The following HK1 variants were observed in gnomAD, a reference collection of about 807,000 sequenced individuals.
HK1 encodes hexokinase 1.
HK1 carries 28 observed loss-of-function variants against 91.6 expected under a neutral mutation model. The observed-to-expected ratio is 0.31, with a 90% confidence interval of 0.23 to 0.42. The LOEUF is 0.42. HK1 is among the 10% of genes least tolerant of loss of function. The probability of loss-of-function intolerance (pLI) is 1.00; values close to 1 mark genes in which losing one functional copy is unlikely to be tolerated. For missense variants in HK1, 770 were observed against 1,219.8 expected, an observed-to-expected ratio of 0.63 and a Z score of 5.49; for synonymous variants, 430 against 468.1, an observed-to-expected ratio of 0.92 and a Z score of 1.05.
upstream of HK1, among the ~76,000 whole-genome samples, chr10:69,314,595 G>A (rs10998711): frequency 0.02 from 3,109 of 152,154 alleles, 107 homozygotes; most frequent in African/African-American, 0.069. Context: ...AATGGCTCAC[G>A]TCTATAATCC....
chr10:69,388,493 A>G (rs899820910), intron 13 of HK1, among the ~76,000 whole-genome samples: 1 of 152,144 alleles, frequency 6.6e-6, no homozygotes, highest in African/African-American at 2.4e-5. Flanking sequence ...CTGCTTCACA[A>G]CTATTAGTGT....
intron 1 of HK1, among the ~76,000 whole-genome samples, chr10:69,275,822 G>T (rs2132409500): frequency 6.6e-6 from 1 of 152,062 alleles, no homozygotes; most frequent in South Asian, 2.1e-4. Flanking sequence ...GGGCACAGTG[G>T]CTCATGCCTG....
chr10:69,304,097 T>C (rs1037441181), intron 5 of HK1, among the ~76,000 whole-genome samples: 1 of 152,060 alleles, frequency 6.6e-6, no homozygotes, highest in Non-Finnish European at 1.5e-5. Context: ...AGTGATGTAA[T>C]CCCCAGGATC....
chr10:69,277,283 T>C (rs1415369479), intron 1 of HK1, among the ~76,000 whole-genome samples: 1 of 152,210 alleles, frequency 6.6e-6, no homozygotes, highest in Admixed American at 6.5e-5. Flanking sequence ...AAATTTTCTT[T>C]TTGGCTGGGT....
upstream of HK1, among the ~76,000 whole-genome samples, chr10:69,311,503 T>C (rs1202309891): frequency 6.6e-6 from 1 of 152,172 alleles, no homozygotes; most frequent in Non-Finnish European, 1.5e-5. Flanking sequence ...TGATTTGAGA[T>C]TGCTCTGGTC....
At chr10:69,328,267 C>CGAGGCA (rs1847495534) in intron 1 of HK1, among the ~76,000 whole-genome samples, 1 of 152,142 alleles carries the variant, frequency 6.6e-6, no homozygotes, top group Non-Finnish European at 1.5e-5. Flanking sequence ...TGTCCCTGTG[C>CGAGGCA]GAGGCAGAAA....
chr10:69,344,091 C>A, intron 2 of HK1, 102 bp downstream of exon 2: 1 of 1,209,130 alleles, frequency 8.3e-7, no homozygotes, highest in Non-Finnish European at 1.2e-6. Context: ...ATTCATTCAC[C>A]ATTCCATCAA....
Position 69,279,707 on chromosome 10 carries a change from G to A in HK1, c.-390-2822G>A, listed in dbSNP as rs142980214. On this transcript the variant is annotated intron_variant, in intron 1 of 21. Coordinates refer to the HK1 transcript ENST00000360289. ...CTTCCTCATCAGTCAAGTCATAAAT[G>A]CAGGACTTAAAGGAAACCACATGTG... Among the ~76,000 whole-genome samples, 294 of 152,306 alleles carry A rather than the reference G, an allele frequency of 1.9e-3. 5 individuals are homozygous for A. Among genetic ancestry groups the A allele is most frequent in the Admixed American group, 0.015 (227 of 15,296 alleles).
At chr10:69,274,788 C>G (rs1168890299) in intron 1 of HK1, among the ~76,000 whole-genome samples, 1 of 151,976 alleles carries the variant, frequency 6.6e-6, no homozygotes, top group Non-Finnish European at 1.5e-5. Flanking sequence ...TGGGGAAAAC[C>G]AGCTATGCAT....
chr10:69,392,407 G>T, intron 15 of HK1, 99 bp downstream of exon 15: 1 of 1,304,642 alleles, frequency 7.7e-7, no homozygotes. Flanking sequence ...AGGAGGAGAG[G>T]TCTGAACAGA....
intron 9 of HK1, among the ~76,000 whole-genome samples, chr10:69,381,349 T>C (rs1201591153): frequency 6.6e-6 from 1 of 152,180 alleles, no homozygotes; most frequent in Non-Finnish European, 1.5e-5. Context: ...GCCAAGGACG[T>C]AATTGTATTT....
At chr10:69,271,593 C>T (rs964544538) in intron 1 of HK1, among the ~76,000 whole-genome samples, 10 of 150,986 alleles carry the variant, frequency 6.6e-5, no homozygotes, top group Non-Finnish European at 1.5e-4. Context: ...TCTCCTGCCT[C>T]AAGCCTCCTG....
chr10:69,365,826 C>G (rs1183193047), intron 4 of HK1, among the ~76,000 whole-genome samples: 4 of 152,042 alleles, frequency 2.6e-5, no homozygotes, highest in Non-Finnish European at 5.9e-5. Context: ...AGAGTGAGAC[C>G]TTGTCTTTTT....
At chr10:69,390,349 G>A (rs936411917) in intron 14 of HK1, among the ~76,000 whole-genome samples, 22 of 152,286 alleles carry the variant, frequency 1.4e-4, no homozygotes, top group African/African-American at 2.6e-4. Context: ...AGGCCCGCCC[G>A]TTTCCTGGCA....
At chr10:69,310,044 C>A (rs1170428551) in intron 5 of HK1, among the ~76,000 whole-genome samples, 1 of 145,674 alleles carries the variant, frequency 6.9e-6, no homozygotes, top group Non-Finnish European at 1.5e-5. Flanking sequence ...GAGCGAAACT[C>A]CATCTCATAA....
intron 1 of HK1, among the ~76,000 whole-genome samples, chr10:69,276,109 AAAAAAAAAAATAC>A (rs1564746724): frequency 7.1e-5 from 5 of 70,820 alleles, no homozygotes; most frequent in African/African-American, 2.3e-4. Flanking sequence ...AAAAAAAAAA[AAAAAAAAAAATAC>A]ATATATATAT....
upstream of HK1, chr10:69,318,715 G>T (rs1281567320): frequency 2.7e-6 from 2 of 738,826 alleles, no homozygotes; most frequent in African/African-American, 1.9e-5. Flanking sequence ...GAGGCGCGCC[G>T]CAACCAATGG....
chr10:69,361,879 G>A (rs193225723), intron 3 of HK1, among the ~76,000 whole-genome samples: 6 of 151,894 alleles, frequency 4.0e-5, no homozygotes, highest in South Asian at 2.1e-4. Flanking sequence ...GTGCAGTGGC[G>A]CGATCTCAGC....
At chr10:69,343,069 A>G (rs1348405735) in intron 1 of HK1, among the ~76,000 whole-genome samples, 1 of 152,174 alleles carries the variant, frequency 6.6e-6, no homozygotes, top group Non-Finnish European at 1.5e-5. Context: ...CCTGGCACAC[A>G]GGCCCGGCAC....
Sources: allele counts gnomAD v4.1 joint callset (sites outside exome capture counted in the v4.1 genomes callset), GRCh38; gene constraint gnomAD v4.1.1; transcripts MANE v1.5; gene names NCBI Gene and HGNC (gene_info 2026-07-23, HGNC 2026-07-21).